The following DOP1A variants were observed in gnomAD, a reference collection of about 807,000 sequenced individuals.
DOP1A encodes the protein protein DOP1A.
Under a neutral mutation model 267.6 loss-of-function variants are expected in DOP1A, and 90 were observed. That is an observed-to-expected ratio of 0.34 (90% CI 0.28 to 0.40). The LOEUF (loss-of-function observed/expected upper bound fraction) is 0.40, where lower values mean the gene tolerates loss of function less well. DOP1A is among the 10% of genes least tolerant of loss of function. DOP1A has a pLI of 1.00. For synonymous variants in DOP1A, 932 were observed against 999.1 expected (o/e 0.93, Z 1.27); for missense variants, 2,437 against 2,900.4 (o/e 0.84, Z 3.67).
chr6:83,134,133 CATAGTATCTTCAAGAGAG>C lies in DOP1A; in HGVS notation c.2770-52_2770-35del, dbSNP rs1233612567. 3 of 1,474,538 alleles carry C rather than the reference CATAGTATCTTCAAGAGAG, an allele frequency of 2.0e-6. No homozygotes were observed. The African/African-American group carries it at 4.2e-5, about 21-fold the overall frequency. 91.3% of individuals were successfully genotyped at this position (1,474,538 alleles called of 1,614,324 possible). A position where few individuals can be genotyped will look rare whatever the true frequency, so the allele number is the denominator to read the frequency against. ...AATAGTACTCTGATTTTACTAAAAT[CATAGTATCTTCAAGAGAG>C]AAGAACATAATTTAAGCTCCCATGT... On this transcript the variant is annotated intron_variant, in intron 18 of 38. Coordinates refer to ENST00000349129, the MANE Select transcript of DOP1A (RefSeq NM_015018.4).
At chr6:83,093,336 G>A (rs1255904841) in intron 1 of DOP1A, among the ~76,000 whole-genome samples, 1 of 152,166 alleles carries the variant, frequency 6.6e-6, no homozygotes. Flanking sequence ...AATAATTGAA[G>A]TAGAGAATTG....
At position 83,168,076 on chromosome 6, in the gene DOP1A, T is replaced by G. The variant is rs1194173263; in HGVS notation, c.7307T>G (p.Leu2436Arg). 1.2e-6 allele frequency: 2 copies of G among 1,614,178 alleles called. No homozygotes were observed. The highest frequency in any genetic ancestry group is 1.7e-5 in the Admixed American group (1 of 60,018). The part of the protein sequence containing the change: ...SNAFPNKDMK[L>R]ENHKPCSSKA... The stretch of plus-strand genomic sequence containing the variant: ...GCCTTCCCTAATAAGGACATGAAAC[T>G]GGAGAACCACAAACCATGTTCCAGC... Residue 2436 changes from leucine to arginine, a missense_variant, in exon 39 of 39, where the codon CTG (leucine) becomes CGG (arginine). Transcript: ENST00000349129.
intron 4 of DOP1A, among the ~76,000 whole-genome samples, chr6:83,105,158 G>A (rs1773357543): frequency 6.6e-6 from 1 of 151,964 alleles, no homozygotes; most frequent in East Asian, 1.9e-4. Flanking sequence ...AGGTTAAAGA[G>A]CAGGAATTTC....
Position 83,135,559 on chromosome 6 carries a change from A to G in DOP1A, c.2871-60A>G, listed in dbSNP as rs1053056573. The G allele has an allele frequency of 1.1e-5, 16 of 1,491,670 alleles. No individual in the cohort carries two copies. In the African/African-American group the frequency reaches 2.3e-4, roughly 21 times the overall value. The allele number at this position is 1,491,670 out of a possible 1,614,324, so 92.4% of individuals were successfully genotyped here. ...AAGAAACAGAATTTATTAATTTTAT[A>G]AAAGAGTGTGACAAGGTAGATGTTT... On this transcript the variant is annotated intron_variant, in intron 19 of 38. Coordinates refer to ENST00000349129, the MANE Select transcript of DOP1A (RefSeq NM_015018.4).
intron 1 of DOP1A, among the ~76,000 whole-genome samples, chr6:83,095,982 G>T (rs912672148): frequency 1.3e-5 from 2 of 152,182 alleles, no homozygotes; most frequent in African/African-American, 4.8e-5. Context: ...TTTATGACCT[G>T]TTGGCCGTTA....
chr6:83,094,692 A>G (rs1020813687), intron 1 of DOP1A, among the ~76,000 whole-genome samples: 19 of 152,298 alleles, frequency 1.2e-4, no homozygotes, highest in African/African-American at 4.3e-4. Context: ...CCTTTTAGAA[A>G]TGTCCATTCA....
intron 1 of DOP1A, among the ~76,000 whole-genome samples, chr6:83,083,003 T>C (rs1357937183): frequency 2.0e-5 from 3 of 152,082 alleles, no homozygotes; most frequent in African/African-American, 7.2e-5. Context: ...AGATGGGATT[T>C]CACCATGTTG....
intron 1 of DOP1A, among the ~76,000 whole-genome samples, chr6:83,085,417 T>C (rs1043422534): frequency 6.6e-6 from 1 of 152,136 alleles, no homozygotes; most frequent in African/African-American, 2.4e-5. Flanking sequence ...AATAATGTGA[T>C]GTTATAGGGT....
chr6:83,109,767 AC>A (rs1774233159), intron 5 of DOP1A, among the ~76,000 whole-genome samples: 1 of 152,200 alleles, frequency 6.6e-6, no homozygotes, highest in Admixed American at 6.5e-5. Flanking sequence ...TTATTAAAAA[AC>A]TAAAATGTAT....
At chr6:83,152,194 T>TAC (rs1397793029) in intron 29 of DOP1A, 94 bp from the exon 30 acceptor site, 9 of 735,384 alleles carry the variant, frequency 1.2e-5, no homozygotes, top group African/African-American at 1.9e-5. Context: ...CATATATATA[T>TAC]ACATATATAA....
downstream of DOP1A, chr6:83,168,811 A>G (rs530133607): frequency 1.3e-4 from 131 of 1,009,736 alleles, 1 homozygote; most frequent in South Asian, 5.1e-3. Flanking sequence ...CTGGTTGTAT[A>G]AAGTCTTCTC....
intron 25 of DOP1A, among the ~76,000 whole-genome samples, chr6:83,146,353 T>C (rs1780648997): frequency 6.6e-6 from 1 of 152,212 alleles, no homozygotes; most frequent in African/African-American, 2.4e-5. Flanking sequence ...AGAATTATGA[T>C]ATATATCTGA....
intron 26 of DOP1A, among the ~76,000 whole-genome samples, 157 bp from the exon 27 acceptor site, chr6:83,148,602 T>C (rs1179636148): frequency 6.6e-6 from 1 of 152,198 alleles, no homozygotes; most frequent in Admixed American, 6.5e-5. Context: ...TGCATTGATA[T>C]TTCAACTGTG....
intron 1 of DOP1A, among the ~76,000 whole-genome samples, chr6:83,088,162 G>A (rs556063115): frequency 1.3e-4 from 20 of 151,124 alleles, no homozygotes; most frequent in Non-Finnish European, 2.8e-4. Flanking sequence ...GTGAGCCACC[G>A]CACCCGGCCA....
chr6:83,078,100 A>G (rs993826094), intron 1 of DOP1A, among the ~76,000 whole-genome samples: 1 of 152,242 alleles, frequency 6.6e-6, no homozygotes, highest in African/African-American at 2.4e-5. Context: ...CACAAAATTA[A>G]TAGCATGTGT....
intron 1 of DOP1A, among the ~76,000 whole-genome samples, chr6:83,081,990 T>A (rs773746498): frequency 6.6e-6 from 1 of 152,128 alleles, no homozygotes; most frequent in Non-Finnish European, 1.5e-5. Context: ...ATCATCTCAC[T>A]CCTGTTAGAA....
intron 37 of DOP1A, among the ~76,000 whole-genome samples, chr6:83,162,180 G>A (rs1784386562): frequency 1.3e-5 from 2 of 152,188 alleles, no homozygotes; most frequent in South Asian, 2.1e-4. Context: ...AATCCTATGC[G>A]GGGAGGGGAG....
intron 17 of DOP1A, among the ~76,000 whole-genome samples, chr6:83,131,972 A>T (rs1226617558): frequency 6.6e-6 from 1 of 152,192 alleles, no homozygotes; most frequent in South Asian, 2.1e-4. Flanking sequence ...TCATTAAAGG[A>T]CTATCATAAA....
At chr6:83,163,236 T>A (rs1420722096) in intron 38 of DOP1A, among the ~76,000 whole-genome samples, 3 of 152,196 alleles carry the variant, frequency 2.0e-5, no homozygotes, top group African/African-American at 7.2e-5. Flanking sequence ...ACCATACATG[T>A]GAGTATTTAA....
Sources: allele counts gnomAD v4.1 joint callset (sites outside exome capture counted in the v4.1 genomes callset), GRCh38; gene constraint gnomAD v4.1.1; transcripts MANE v1.5; gene names NCBI Gene and HGNC (gene_info 2026-07-23, HGNC 2026-07-21).